Variants in OTOF observed in about 807,000 individuals in gnomAD.
OTOF encodes the protein otoferlin.
OTOF carries 218 observed loss-of-function variants against 236.8 expected under a neutral mutation model. The ratio of observed to expected loss-of-function variants is 0.92; its 90% CI spans 0.82 to 1.03. The LOEUF (loss-of-function observed/expected upper bound fraction) is 1.03. OTOF is among the 50% of genes least tolerant of loss of function. The pLI, the probability that OTOF is intolerant of heterozygous loss-of-function variation, is 0.00. For synonymous variants in OTOF, 1,041 were observed against 1,072.5 expected (o/e 0.97, Z 0.57); for missense variants, 2,590 against 2,694.4 (o/e 0.96, Z 0.86).
In OTOF at chr2:26,457,928, T is replaced by G; in HGVS notation, c.*310A>C. 4 of 1,119,744 alleles carry G rather than the reference T, an allele frequency of 3.6e-6. No homozygotes were observed. Among genetic ancestry groups the G allele is most frequent in the African/African-American group, 1.5e-5 (1 of 64,586 alleles). The allele number at this position is 1,119,744 out of a possible 1,614,324, so 69.4% of individuals were successfully genotyped here. A position where few individuals can be genotyped will look rare whatever the true frequency, so the allele number is the denominator to read the frequency against. On this transcript the variant is annotated 3_prime_UTR_variant, in exon 47 of 47. Coordinates refer to ENST00000272371, the MANE Select transcript of OTOF (RefSeq NM_194248.3). The surrounding 1 kb of genome is among the most constrained non-coding windows in gnomAD (Gnocchi z 4.4). ...CAGGAGGCAGGCTCGGCCCAAGGCA[T>G]GAAGAGTGGACGCTGGGCTCCTCAG...
chr2:26,459,871 T>C, intron 46 of OTOF, 137 bp downstream of exon 46: 1 of 815,820 alleles, frequency 1.2e-6, no homozygotes, highest in Non-Finnish European at 2.0e-6. Flanking sequence ...GCGTGGCACA[T>C]GTGTGCATAC....
chr2:26,485,383 A>G (rs1665676153), intron 11 of OTOF, among the ~76,000 whole-genome samples: 1 of 152,078 alleles, frequency 6.6e-6, no homozygotes, highest in South Asian at 2.1e-4. Context: ...TGTGCTCTCC[A>G]TGCACACCTC....
intron 4 of OTOF, among the ~76,000 whole-genome samples, chr2:26,518,036 C>T (rs1162783555): frequency 6.6e-6 from 1 of 152,118 alleles, no homozygotes; most frequent in Admixed American, 6.5e-5. Context: ...TTTAAGAAGC[C>T]CTCCCTGCCA....
chr2:26,510,062 C>T lies in OTOF; in HGVS notation c.510-6217G>A, dbSNP rs527630681. On this transcript the variant is annotated intron_variant, in intron 5 of 46. Transcript: ENST00000272371. The stretch of plus-strand genomic sequence containing the variant: ...AGACCCATTCACAACTCCCAGCCTT[C>T]GAATCTTTCCAGACCCTTGTGACCA... 5.3e-5 allele frequency among the ~76,000 whole-genome samples: 8 copies of T among 152,282 alleles called. No homozygotes were observed. In the South Asian group the frequency reaches 1.5e-3, roughly 28 times the overall value.
chr2:26,480,912 C>T lies in OTOF; in HGVS notation c.1677G>A (p.Leu559=). Residue 559 remains leucine (L), a synonymous_variant, in exon 15 of 47, where the codon CTG becomes CTA. Transcript: ENST00000272371. ...LDEHQDLNEG[L]GEGVSFRARL... ...GGGCCCGGAAGGACACACCCTCCCC[C>T]AGGCCCTCGTTCAGGTCCTGATGCT... is the stretch of plus-strand genomic sequence containing the variant. 1.2e-6 allele frequency: 2 copies of T among 1,613,036 alleles called. No homozygotes were observed. The highest frequency in any genetic ancestry group is 1.6e-4 in the Middle Eastern group (1 of 6,062).
chr2:26,526,423 A>T (rs1027984575), intron 3 of OTOF, among the ~76,000 whole-genome samples: 1 of 152,130 alleles, frequency 6.6e-6, no homozygotes, highest in Non-Finnish European at 1.5e-5. Context: ...GAAAGAAAGG[A>T]AGGGTGGATA....
In OTOF at chr2:26,470,519, C is replaced by T. The variant is rs552596644; in HGVS notation, c.4023+74G>A. ...GAGTTGGGATCCAGCTCTTGGGGGC[C>T]GTGGGAAAGAAGCTGGACAGGAGGG... is the stretch of plus-strand genomic sequence containing the variant. On this transcript the variant is annotated intron_variant, in intron 32 of 46. Coordinates refer to ENST00000272371, the MANE Select transcript of OTOF (RefSeq NM_194248.3). This position sits in a 1 kb window ranked among gnomAD's most constrained non-coding sequence, Gnocchi z 4.3. The T allele has an allele frequency of 1.4e-5, 21 of 1,457,768 alleles. No individual in the cohort carries two copies. Among genetic ancestry groups the T allele is most frequent in the East Asian group, 6.8e-5 (3 of 44,056 alleles). 90.3% of individuals were successfully genotyped at this position (1,457,768 alleles called of 1,614,324 possible).
Position 26,461,634 on chromosome 2 carries a change from A to G in OTOF, c.5533+62T>C. The G allele has an allele frequency of 6.2e-7, 1 of 1,606,390 alleles. No individual in the cohort carries two copies. The highest frequency in any genetic ancestry group is 1.1e-5 in the South Asian group (1 of 90,944). On this transcript the variant is annotated intron_variant, in intron 43 of 46. Coordinates refer to ENST00000272371, the MANE Select transcript of OTOF (RefSeq NM_194248.3). This position sits in a 1 kb window ranked among gnomAD's most constrained non-coding sequence, Gnocchi z 6.2. ...GGCAGGGCTCTCCCTGTCCCCGCCA[A>G]CCCGGCCCCTGCCTCTTCTCAGTTC...
intron 9 of OTOF, 135 bp downstream of exon 9, chr2:26,494,807 G>GTAA: frequency 2.0e-6 from 2 of 983,902 alleles, no homozygotes; most frequent in Non-Finnish European, 3.2e-6. Context: ...CCTGGGGGTT[G>GTAA]TAACAGGGTG....
intron 13 of OTOF, among the ~76,000 whole-genome samples, 173 bp downstream of exon 13, chr2:26,483,289 G>A (rs1230605226): frequency 6.6e-6 from 1 of 152,062 alleles, no homozygotes; most frequent in Non-Finnish European, 1.5e-5. Context: ...CCCCTGCGCA[G>A]CTCTCAGTCT....
intron 36 of OTOF, 161 bp from the exon 37 acceptor site, chr2:26,466,237 C>T: frequency 2.5e-6 from 2 of 793,272 alleles, no homozygotes; most frequent in Non-Finnish European, 4.2e-6. Flanking sequence ...GTGGCTACCC[C>T]TCTCTGGGCG....
chr2:26,482,707 G>T, intron 13 of OTOF, 115 bp from the exon 14 acceptor site: 1 of 852,812 alleles, frequency 1.2e-6, no homozygotes, highest in Non-Finnish European at 1.9e-6. Flanking sequence ...GCATGTGTGA[G>T]TGGGTGTGCA....
intron 1 of OTOF, among the ~76,000 whole-genome samples, chr2:26,554,996 T>C (rs1415314763): frequency 6.6e-6 from 1 of 152,190 alleles, no homozygotes; most frequent in Non-Finnish European, 1.5e-5. Context: ...GTCTGTCACT[T>C]GGTTCCCTTA....
chr2:26,525,069 G>A (rs1666768469), intron 3 of OTOF, among the ~76,000 whole-genome samples: 1 of 152,184 alleles, frequency 6.6e-6, no homozygotes, highest in Non-Finnish European at 1.5e-5. Flanking sequence ...TCACCCCAGG[G>A]AAGAAGGCTC....
chr2:26,537,763 A>G lies in OTOF; in HGVS notation c.91T>C (p.Tyr31His). 1 of 1,554,086 alleles carries G rather than the reference A, an allele frequency of 6.4e-7. No individual in the cohort carries two copies. The highest frequency in any genetic ancestry group is 1.2e-5 in the South Asian group (1 of 84,200). The part of the protein sequence containing the change: ...AKVTFRGQSF[Y>H]SRVLENCEDV... The stretch of plus-strand genomic sequence containing the variant: ...TCACAGTTCTCCAGGACCCGAGAGT[A>G]GAAGGATTGCCCTGTGGGGAAAGAG... The change falls in exon 2 of 47, where the codon TAC becomes CAC. Residue 31 changes from tyrosine to histidine, a missense_variant. By Grantham distance (83) the Tyr-to-His change is moderately conservative (BLOSUM62 2). This residue lies in a region of OTOF where 1,379 missense variants were observed against 1,341.6 expected (regional missense o/e 1.03). Coordinates refer to ENST00000272371, the MANE Select transcript of OTOF (RefSeq NM_194248.3).
At chr2:26,476,363 C>T (rs1289853966) in intron 22 of OTOF, 46 bp from the exon 23 acceptor site, 3 of 1,574,250 alleles carry the variant, frequency 1.9e-6, no homozygotes, top group African/African-American at 2.7e-5. Flanking sequence ...GCTGCCAGGG[C>T]CCAAGAGGTG....
At chr2:26,464,752 T>G in intron 39 of OTOF, 117 bp downstream of exon 39, 1 of 1,021,668 alleles carries the variant, frequency 9.8e-7, no homozygotes, top group Non-Finnish European at 1.4e-6. Flanking sequence ...TAAGACCAGG[T>G]TTAGGCTGAG....
At position 26,465,695 on chromosome 2, in the gene OTOF, G is replaced by T. The variant is rs372324595; in HGVS notation, c.4776C>A (p.Cys1592Ter). ...NRFYSKHRAT[C>*]GIAQTYSTHG... ...ACGTGGAGTAGGTCTGGGCGATGCC[G>T]CAGGTGGCGCGGTGCTTGCTGTAGA... Residue 1592 changes from cysteine to a stop codon, truncating the protein, a stop_gained, in exon 38 of 47, where the codon TGC becomes TGA. Transcript: ENST00000272371. LOFTEE classifies it high-confidence loss of function. The T allele has an allele frequency of 3.7e-6, 6 of 1,614,274 alleles. No homozygotes were observed. Among genetic ancestry groups the T allele is most frequent in the Non-Finnish European group, 4.2e-6 (5 of 1,180,046 alleles).
chr2:26,542,985 G>C (rs1289545882), intron 1 of OTOF, among the ~76,000 whole-genome samples: 3 of 152,200 alleles, frequency 2.0e-5, no homozygotes, highest in African/African-American at 7.2e-5. Flanking sequence ...CAGACCTGGG[G>C]CTGCTATTTC....
Sources: allele counts gnomAD v4.1 joint callset (sites outside exome capture counted in the v4.1 genomes callset), GRCh38; gene constraint gnomAD v4.1.1; regional missense constraint gnomAD v4.1.1; non-coding constraint Gnocchi (gnomAD v3.1); transcripts MANE v1.5; gene names NCBI Gene and HGNC (gene_info 2026-07-23, HGNC 2026-07-21).